The following RCAN2 variants were observed in gnomAD, a reference collection of about 807,000 sequenced individuals.
RCAN2 encodes the protein calcipressin-2.
In RCAN2, 9 loss-of-function variants were observed where a neutral mutation model predicts 23.6. The ratio of observed to expected loss-of-function variants is 0.38; its 90% CI spans 0.23 to 0.67. The LOEUF (loss-of-function observed/expected upper bound fraction) is 0.67, where lower values mean the gene tolerates loss of function less well. Among genes scored for constraint, RCAN2 ranks in the 30% least tolerant of loss-of-function variants. The pLI, the probability that RCAN2 is intolerant of heterozygous loss-of-function variation, is 0.51. For missense variants in RCAN2, 273 were observed against 302.3 expected (o/e 0.90, Z 0.72); for synonymous variants, 109 against 115.7 (o/e 0.94, Z 0.37).
chr6:46,352,561 G>C (rs1436775507), intron 2 of RCAN2, among the ~76,000 whole-genome samples: 1 of 152,112 alleles, frequency 6.6e-6, no homozygotes, highest in Non-Finnish European at 1.5e-5. Context: ...GCCTTGCTGG[G>C]CTCCTGTAAA....
chr6:46,368,649 G>T (rs1386775638), intron 2 of RCAN2, among the ~76,000 whole-genome samples: 1 of 151,994 alleles, frequency 6.6e-6, no homozygotes. Context: ...ACACATTTTT[G>T]TATGTAAACA....
intron 2 of RCAN2, among the ~76,000 whole-genome samples, chr6:46,447,134 G>A (rs922741691): frequency 6.6e-6 from 1 of 151,906 alleles, no homozygotes; most frequent in African/African-American, 2.4e-5. Context: ...AGGGAAGGGA[G>A]GGAAAAAGAT....
At chr6:46,485,137 A>G (rs1461541548) in intron 1 of RCAN2, among the ~76,000 whole-genome samples, 1 of 152,236 alleles carries the variant, frequency 6.6e-6, no homozygotes, top group African/African-American at 2.4e-5. Flanking sequence ...TTGTGCTCAA[A>G]GATGTTTATC....
chr6:46,406,255 A>T (rs995212746), intron 2 of RCAN2, among the ~76,000 whole-genome samples: 1 of 152,240 alleles, frequency 6.6e-6, no homozygotes, highest in Non-Finnish European at 1.5e-5. Flanking sequence ...GTGCCGCCAA[A>T]GTGGGAACCC....
chr6:46,325,865 T>A (rs756814983), intron 2 of RCAN2: 6 of 985,390 alleles, frequency 6.1e-6, no homozygotes, highest in Non-Finnish European at 7.2e-6. Context: ...TAGCTGTTGT[T>A]GCAGCCGAGT....
chr6:46,346,458 A>G (rs964837727), intron 2 of RCAN2, among the ~76,000 whole-genome samples: 2 of 152,170 alleles, frequency 1.3e-5, no homozygotes, highest in Non-Finnish European at 2.9e-5. Flanking sequence ...AAATAAATCA[A>G]TATCAGTATA....
At chr6:46,423,088 G>A (rs1160821844) in intron 2 of RCAN2, among the ~76,000 whole-genome samples, 2 of 152,152 alleles carry the variant, frequency 1.3e-5, no homozygotes, top group Non-Finnish European at 2.9e-5. Context: ...GGTATCTAGT[G>A]CCTTGGTGAA....
At chr6:46,450,582 G>T (rs1767846091) in intron 2 of RCAN2, among the ~76,000 whole-genome samples, 1 of 151,972 alleles carries the variant, frequency 6.6e-6, no homozygotes, top group Non-Finnish European at 1.5e-5. Context: ...AGAAAATGTG[G>T]TATATATGAA....
intron 2 of RCAN2, among the ~76,000 whole-genome samples, chr6:46,286,279 G>A (rs1477388427): frequency 6.6e-6 from 1 of 152,134 alleles, no homozygotes; most frequent in Non-Finnish European, 1.5e-5. Context: ...AGCATTTTCT[G>A]TTTGTCATTT....
intron 2 of RCAN2, among the ~76,000 whole-genome samples, chr6:46,423,848 C>T (rs1202176676): frequency 3.9e-4 from 59 of 152,314 alleles, no homozygotes. Context: ...GGTCCAGGTA[C>T]TTCTCTAAAC....
intron 2 of RCAN2, among the ~76,000 whole-genome samples, chr6:46,350,760 G>A (rs931302250): frequency 6.6e-6 from 1 of 152,194 alleles, no homozygotes; most frequent in African/African-American, 2.4e-5. Flanking sequence ...ATAGCTTGAG[G>A]AAGGATCCTA....
At chr6:46,240,922 C>A (rs1766282973) in intron 4 of RCAN2, among the ~76,000 whole-genome samples, 1 of 152,134 alleles carries the variant, frequency 6.6e-6, no homozygotes, top group Admixed American at 6.5e-5. Flanking sequence ...GAAACTCAAG[C>A]ACCATTTTAA....
chr6:46,349,436 G>A (rs934480121), intron 2 of RCAN2, among the ~76,000 whole-genome samples: 1 of 152,096 alleles, frequency 6.6e-6, no homozygotes, highest in African/African-American at 2.4e-5. Context: ...GGGAGGGACA[G>A]TATTAGGAAA....
intron 2 of RCAN2, among the ~76,000 whole-genome samples, chr6:46,455,699 A>G (rs899413973): frequency 6.6e-6 from 1 of 151,906 alleles, no homozygotes; most frequent in East Asian, 1.9e-4. Context: ...TACTAAAAAT[A>G]CAAAAAATTA....
chr6:46,464,583 A>G (rs1048852069), intron 1 of RCAN2, among the ~76,000 whole-genome samples: 3 of 152,196 alleles, frequency 2.0e-5, no homozygotes, highest in Admixed American at 2.0e-4. Flanking sequence ...AAGGAGAGAC[A>G]TGATATTCTT....
At chr6:46,281,207 T>C (rs970742694) in intron 2 of RCAN2, among the ~76,000 whole-genome samples, 5 of 152,322 alleles carry the variant, frequency 3.3e-5, no homozygotes, top group Admixed American at 1.3e-4. Flanking sequence ...TCAACAGGCA[T>C]GCGCTGACTA....
chr6:46,248,042 A>G lies in RCAN2; in HGVS notation c.399+681T>C, dbSNP rs1317479534. The stretch of plus-strand genomic sequence containing the variant: ...CACTGTGCCATCTCTGTAGAATCTG[A>G]AGGTGGAAACCATACTTACAGATCA... On this transcript the variant is annotated intron_variant, in intron 3 of 4. Transcript: ENST00000371374. Among the ~76,000 whole-genome samples, 16 of 152,300 alleles carry G rather than the reference A, an allele frequency of 1.1e-4. No homozygotes were observed. The East Asian group carries it at 1.4e-3, about 13-fold the overall frequency.
intron 2 of RCAN2, among the ~76,000 whole-genome samples, chr6:46,452,316 G>C (rs1005537618): frequency 6.6e-6 from 1 of 152,100 alleles, no homozygotes; most frequent in African/African-American, 2.4e-5. Context: ...AATCTAGATG[G>C]ACTAATTTAT....
intron 2 of RCAN2, among the ~76,000 whole-genome samples, chr6:46,259,366 G>T (rs1458419299): frequency 6.6e-6 from 1 of 152,110 alleles, no homozygotes. Flanking sequence ...CAAATGAGGG[G>T]CTCTAAAGCT....
Sources: allele counts gnomAD v4.1 joint callset (sites outside exome capture counted in the v4.1 genomes callset), GRCh38; gene constraint gnomAD v4.1.1; transcripts MANE v1.5; gene names NCBI Gene and HGNC (gene_info 2026-07-23, HGNC 2026-07-21).